Variants in MBNL1 observed in about 807,000 individuals in gnomAD.
MBNL1 encodes muscleblind-like protein 1.
A neutral mutation model predicts 42.2 loss-of-function variants in MBNL1; 8 were observed. The observed-to-expected ratio is 0.19, with a 90% CI of 0.11 to 0.34. MBNL1 has a LOEUF of 0.34. Among genes scored for constraint, MBNL1 ranks in the 10% least tolerant of loss-of-function variants. MBNL1 has a pLI of 1.00. For missense variants in MBNL1, 309 were observed against 495.3 expected (o/e 0.62, Z 3.57); for synonymous variants, 169 against 173.9 (o/e 0.97, Z 0.22).
intron 2 of MBNL1, among the ~76,000 whole-genome samples, chr3:152,315,827 T>C (rs1278498687): frequency 1.3e-5 from 2 of 151,296 alleles, no homozygotes; most frequent in Non-Finnish European, 2.9e-5. Context: ...TTTCTACAGA[T>C]AATAGTGAAA....
chr3:152,347,706 G>A (rs999878115), intron 2 of MBNL1, among the ~76,000 whole-genome samples: 1 of 152,184 alleles, frequency 6.6e-6, no homozygotes, highest in East Asian at 1.9e-4. Flanking sequence ...TACTCTGTGC[G>A]TGTCATGTTT....
At chr3:152,397,453 C>T (rs560909893) in intron 2 of MBNL1, among the ~76,000 whole-genome samples, 112 of 152,206 alleles carry the variant, frequency 7.4e-4, no homozygotes, top group African/African-American at 2.5e-3. Flanking sequence ...TGAGAATGTG[C>T]AGTGTTTGGT....
intron 4 of MBNL1, among the ~76,000 whole-genome samples, chr3:152,436,636 A>G (rs986639201): frequency 2.0e-5 from 3 of 152,216 alleles, no homozygotes; most frequent in African/African-American, 7.2e-5. Flanking sequence ...TTATTAATAG[A>G]TGATATTCAA....
intron 2 of MBNL1, among the ~76,000 whole-genome samples, chr3:152,246,159 A>C (rs151143433): frequency 7.9e-5 from 12 of 152,336 alleles, no homozygotes; most frequent in Non-Finnish European, 1.6e-4. Context: ...CCACAATTTT[A>C]ACTATGAGAT....
rs901110874 is a variant in MBNL1, at chr3:152,299,713, A to G, written c.-481A>G. On this transcript the variant is annotated 5_prime_UTR_variant, in exon 2 of 10. It removes an upstream start codon present in the reference 5' UTR. Transcript: ENST00000324210. ...TTGCTCTAAACTGCTGCATCTGTCT[A>G]TGCCAAACTAATCAATACCGATTGC... 1.5e-5 allele frequency: 6 copies of G among 398,878 alleles called. No individual in the cohort carries two copies. The highest frequency in any genetic ancestry group is 6.2e-5 in the African/African-American group (3 of 48,636). The allele number at this position is 398,878 out of a possible 1,614,324, so 24.7% of individuals were successfully genotyped here.
intron 1 of MBNL1, among the ~76,000 whole-genome samples, chr3:152,297,783 A>C (rs2059278365): frequency 6.6e-6 from 1 of 151,896 alleles, no homozygotes; most frequent in Non-Finnish European, 1.5e-5. Context: ...CAGCCTCCTG[A>C]GTAGCTGGGA....
intron 1 of MBNL1, among the ~76,000 whole-genome samples, chr3:152,272,015 C>G (rs1405399370): frequency 1.3e-5 from 2 of 151,000 alleles, no homozygotes; most frequent in Non-Finnish European, 3.0e-5. Flanking sequence ...GAAGATCTTA[C>G]TAGATTAACT....
intron 1 of MBNL1, among the ~76,000 whole-genome samples, chr3:152,282,671 A>G (rs2049170385): frequency 6.6e-6 from 1 of 152,152 alleles, no homozygotes; most frequent in Admixed American, 6.6e-5. Flanking sequence ...ATTAAAAAAA[A>G]ATTATTTATA....
chr3:152,401,834 G>T (rs1459542148), intron 2 of MBNL1, among the ~76,000 whole-genome samples: 1 of 151,996 alleles, frequency 6.6e-6, no homozygotes, highest in Admixed American at 6.6e-5. Flanking sequence ...GACCATCCTG[G>T]CTAACACATC....
At chr3:152,420,703 C>T (rs2098790363) in intron 3 of MBNL1, among the ~76,000 whole-genome samples, 1 of 152,186 alleles carries the variant, frequency 6.6e-6, no homozygotes, top group Non-Finnish European at 1.5e-5. Context: ...AACCAGATTG[C>T]CTCTTCTTCT....
At chr3:152,275,994 ATAG>A (rs560477533) in intron 1 of MBNL1, among the ~76,000 whole-genome samples, 235 of 152,216 alleles carry the variant, frequency 1.5e-3, no homozygotes, top group African/African-American at 5.3e-3. Context: ...ATTTATGAAA[ATAG>A]TAGAAGTTGC....
intron 2 of MBNL1, among the ~76,000 whole-genome samples, chr3:152,383,040 G>C (rs1182167331): frequency 6.6e-6 from 1 of 152,038 alleles, no homozygotes; most frequent in Non-Finnish European, 1.5e-5. Flanking sequence ...TGAGATAAAG[G>C]CTGTCTCATA....
chr3:152,381,764 A>G (rs2097189249), intron 2 of MBNL1, among the ~76,000 whole-genome samples: 1 of 151,958 alleles, frequency 6.6e-6, no homozygotes, highest in Admixed American at 6.6e-5. Flanking sequence ...AATGTTATCT[A>G]GTTTAGCTTT....
At chr3:152,280,705 T>C (rs2047939455) in intron 1 of MBNL1, among the ~76,000 whole-genome samples, 2 of 152,176 alleles carry the variant, frequency 1.3e-5, no homozygotes, top group African/African-American at 4.8e-5. Flanking sequence ...AGCTTTTCTT[T>C]CTGCACAGGA....
At chr3:152,423,711 G>A (rs1442813273) in intron 3 of MBNL1, among the ~76,000 whole-genome samples, 1 of 152,174 alleles carries the variant, frequency 6.6e-6, no homozygotes, top group Non-Finnish European at 1.5e-5. Flanking sequence ...CAAATCCAGA[G>A]TACATTAAAA....
intron 2 of MBNL1, among the ~76,000 whole-genome samples, chr3:152,384,835 A>G (rs562638099): frequency 2.5e-4 from 38 of 152,192 alleles, no homozygotes; most frequent in South Asian, 1.7e-3. Context: ...CGGAGTTTCT[A>G]TTTCCAAACT....
chr3:152,349,320 G>A (rs1040869885), intron 2 of MBNL1, among the ~76,000 whole-genome samples: 9 of 151,966 alleles, frequency 5.9e-5, no homozygotes, highest in Non-Finnish European at 1.2e-4. Flanking sequence ...ACAATGTCTT[G>A]TTTCATAGTT....
At position 152,447,748 on chromosome 3, in the gene MBNL1, A is replaced by G; in HGVS notation, c.936A>G (p.Gln312=). Residue 312 remains glutamine (Q), a synonymous_variant, in exon 6 of 10, where the codon CAA becomes CAG. Coordinates refer to ENST00000324210, the MANE Select transcript of MBNL1 (RefSeq NM_021038.5). ...YQQALANMQL[Q]QHTAFLPPGS... Reference sequence around the variant, plus strand: ...AGGCTCTAGCCAACATGCAGTTACAACAGCATACAGCATTTCTCCCACCAG... The same window carrying G: ...AGGCTCTAGCCAACATGCAGTTACAGCAGCATACAGCATTTCTCCCACCAG... The G allele has an allele frequency of 2.5e-6, 4 of 1,613,678 alleles. No individual in the cohort carries two copies. Among genetic ancestry groups the G allele is most frequent in the Non-Finnish European group, 3.4e-6 (4 of 1,179,700 alleles).
chr3:152,445,004 C>A, intron 4 of MBNL1, among the ~76,000 whole-genome samples: 1 of 152,022 alleles, frequency 6.6e-6, no homozygotes, highest in Non-Finnish European at 1.5e-5. Context: ...TATTATTTTT[C>A]CCTTTGCAAT....
Sources: gnomAD v4.1 joint callset for allele counts (sites outside exome capture counted in the v4.1 genomes callset) on GRCh38, gnomAD v4.1.1 for gene constraint, MANE v1.5 for transcripts, NCBI Gene and HGNC (gene_info 2026-07-23, HGNC 2026-07-21) for gene names.